CXCL2: variants seen among roughly 807,000 people sequenced by gnomAD.
CXCL2 encodes the protein C-X-C motif chemokine 2.
In CXCL2, 12 loss-of-function variants were observed where a neutral mutation model predicts 11.2. The observed-to-expected ratio is 1.08, with a 90% CI of 0.69 to 1.74. The LOEUF (loss-of-function observed/expected upper bound fraction) is 1.74, where lower values mean the gene tolerates loss of function less well. CXCL2 is among the 40% of genes most tolerant of loss of function. The probability of loss-of-function intolerance (pLI) is 0.00; values close to 1 mark genes in which losing one functional copy is unlikely to be tolerated. For synonymous variants in CXCL2, 68 were observed against 61.9 expected (o/e 1.10, Z -0.47); for missense variants, 120 against 137.8 (o/e 0.87, Z 0.65).
In CXCL2 at chr4:74,098,678, T is replaced by C. The variant is rs1375886357; in HGVS notation, c.231A>G (p.Thr77=). 6.2e-7 allele frequency: 1 copy of C among 1,614,056 alleles called. No individual in the cohort carries two copies. The highest frequency in any genetic ancestry group is 8.5e-7 in the Non-Finnish European group (1 of 1,179,992). The change falls in exon 3 of 4, where the codon ACA becomes ACG. Residue 77 remains threonine (T), a synonymous_variant. Transcript: ENST00000508487. ...PHCAQTEVIA[T]LKNGQKACLN... ...GACAAGCTTTCTGCCCATTCTTGAG[T>C]GTGGCTCTGCAGAGAGAAGGGAATC...
chr4:74,098,485 A>C, intron 3 of CXCL2, 116 bp downstream of exon 3: 1 of 1,075,922 alleles, frequency 9.3e-7, no homozygotes, highest in Non-Finnish European at 1.3e-6. Context: ...GAAAATAATA[A>C]TTTTTTCAGT....
At chr4:74,098,543 C>G in intron 3 of CXCL2, 58 bp downstream of exon 3, 12 of 1,555,000 alleles carry the variant, frequency 7.7e-6, no homozygotes, top group Non-Finnish European at 1.1e-5. Flanking sequence ...AGGGGGCAGA[C>G]GCCAGTATTT....
Position 74,098,782 on chromosome 4 carries a change from C to A in CXCL2, c.224+17G>T. On this transcript the variant is annotated intron_variant, in intron 2 of 3. Coordinates refer to ENST00000508487, the MANE Select transcript of CXCL2 (RefSeq NM_002089.4). ...GGGACCCCAGCAGTGGCAGCGGCAGCGATGGGCGAGACTTACATGACTTCG... is the reference window on the plus strand; with the variant it reads ...GGGACCCCAGCAGTGGCAGCGGCAGAGATGGGCGAGACTTACATGACTTCG... 1 of 1,613,566 alleles carries A rather than the reference C, an allele frequency of 6.2e-7. No individual in the cohort carries two copies. The highest frequency in any genetic ancestry group is 8.5e-7 in the Non-Finnish European group (1 of 1,179,600).
chr4:74,098,711 A>C, intron 2 of CXCL2, 27 bp from the exon 3 acceptor site: 1 of 1,614,028 alleles, frequency 6.2e-7, no homozygotes, highest in Non-Finnish European at 8.5e-7. Context: ...ATCTCGTGAG[A>C]CAGGAGGTCG....
At chr4:74,098,961 G>A (rs1215183568) in intron 1 of CXCL2, 39 bp from the exon 2 acceptor site, 2 of 1,596,312 alleles carry the variant, frequency 1.3e-6, no homozygotes, top group East Asian at 2.4e-5. Flanking sequence ...CGGGGCTGTC[G>A]GCGCGGGGCG....
rs1237259502 is a variant in CXCL2 at position 74,099,139 on chromosome 4, C to G, written c.-19G>C. Reference sequence around the variant, plus strand: ...GGGCCATGGGGCTCAGCAGGCGGTTCGAGCGGCTGTGCGAGGAGGAGAGCT... The same window carrying G: ...GGGCCATGGGGCTCAGCAGGCGGTTGGAGCGGCTGTGCGAGGAGGAGAGCT... On this transcript the variant is annotated 5_prime_UTR_variant, in exon 1 of 4. Coordinates refer to ENST00000508487, the MANE Select transcript of CXCL2 (RefSeq NM_002089.4). The G allele has an allele frequency of 5.4e-6, 8 of 1,478,284 alleles. No individual in the cohort carries two copies. The highest frequency in any genetic ancestry group is 1.5e-5 in the African/African-American group (1 of 68,208). The allele number at this position is 1,478,284 out of a possible 1,614,324, so 91.6% of individuals were successfully genotyped here. A position where few individuals can be genotyped will look rare whatever the true frequency, so the allele number is the denominator to read the frequency against.
In CXCL2 at chr4:74,099,010, C is replaced by A. The variant is rs757336342; in HGVS notation, c.100+11G>T. On this transcript the variant is annotated intron_variant, in intron 1 of 3. Coordinates refer to ENST00000508487, the MANE Select transcript of CXCL2 (RefSeq NM_002089.4). ...CGTCCGGCCCGGGGACCCCAGGGCG[C>A]CGGGACCCACCTGCTGCGCGCCGGC... The A allele has an allele frequency of 5.2e-6, 8 of 1,528,382 alleles. No homozygotes were observed. The African/African-American group carries it at 5.8e-5, about 11-fold the overall frequency. The allele number at this position is 1,528,382 out of a possible 1,614,324, so 94.7% of individuals were successfully genotyped here. A position where few individuals can be genotyped will look rare whatever the true frequency, so the allele number is the denominator to read the frequency against.
rs1003361647 is a variant in CXCL2, at chr4:74,098,680, T to C, written c.229A>G (p.Thr77Ala). 6.2e-7 allele frequency: 1 copy of C among 1,614,150 alleles called. No individual in the cohort carries two copies. The highest frequency in any genetic ancestry group is 8.5e-7 in the Non-Finnish European group (1 of 1,180,008). The change falls in exon 3 of 4, where the codon ACA (threonine) becomes GCA (alanine). Residue 77 changes from threonine (T) to alanine (A), a missense_variant. Physicochemically the swap from Thr to Ala is moderately conservative, Grantham distance 58. Coordinates refer to ENST00000508487, the MANE Select transcript of CXCL2 (RefSeq NM_002089.4). ...PHCAQTEVIA[T>A]LKNGQKACLN... ...CAAGCTTTCTGCCCATTCTTGAGTG[T>C]GGCTCTGCAGAGAGAAGGGAATCTC...
rs986423143 is a variant in CXCL2 at position 74,097,828 on chromosome 4, A to T, written c.309-57T>A. ...TGCTCAGGAAAGCTGACTGCACAACAGTCTTCTCCTGTCCTGTTTCCCCAG... is the reference window on the plus strand; with the variant it reads ...TGCTCAGGAAAGCTGACTGCACAACTGTCTTCTCCTGTCCTGTTTCCCCAG... On this transcript the variant is annotated intron_variant, in intron 3 of 3. Transcript: ENST00000508487. 2.0e-6 allele frequency: 3 copies of T among 1,527,090 alleles called. No individual in the cohort carries two copies. The East Asian group carries it at 7.0e-5, about 35-fold the overall frequency. 94.6% of individuals were successfully genotyped at this position (1,527,090 alleles called of 1,614,324 possible). A position where few individuals can be genotyped will look rare whatever the true frequency, so the allele number is the denominator to read the frequency against.
At chr4:74,098,983 C>T (rs1477865849) in intron 1 of CXCL2, 38 bp downstream of exon 1, 5 of 1,570,644 alleles carry the variant, frequency 3.2e-6, no homozygotes, top group Non-Finnish European at 4.3e-6. Context: ...CCACCCCAGC[C>T]GCGTCCGGCC....
At chr4:74,098,437 G>T in intron 3 of CXCL2, 164 bp downstream of exon 3, 3 of 723,004 alleles carry the variant, frequency 4.1e-6, no homozygotes, top group Admixed American at 3.0e-5. Flanking sequence ...ATATCCTCTG[G>T]CACCAGAACA....
At position 74,098,218 on chromosome 4, in the gene CXCL2, C is replaced by G. The variant is rs1721322735; in HGVS notation, c.308+383G>C. ...ATATTATTGTGAAATCTCTGCACTT[C>G]AACCCTAAACTTTTACAAAAAACCA... is the stretch of plus-strand genomic sequence containing the variant. On this transcript the variant is annotated intron_variant, in intron 3 of 3. Transcript: ENST00000508487. Among the ~76,000 whole-genome samples the G allele has an allele frequency of 2.6e-5, 4 of 152,318 alleles. No individual in the cohort carries two copies. The South Asian group carries it at 8.3e-4, about 32-fold the overall frequency.
In CXCL2 at chr4:74,098,600, CT is replaced by C. The variant is rs745343380; in HGVS notation, c.308del (p.Asn103MetfsTer50). The C allele has an allele frequency of 1.4e-5, 23 of 1,613,972 alleles. No homozygotes were observed. In the East Asian group the frequency reaches 4.2e-4, roughly 30 times the overall value. ...CTGTGTACATGGAAATTATAACTTA[CT>C]TTTTCAGCATCTTTTCGATGATTTT... ...VKKIIEKMLK[N>X]GKSN On this transcript the variant is annotated frameshift_variant and splice_region_variant, in exon 3 of 4. Transcript: ENST00000508487. LOFTEE classifies it high-confidence loss of function.
rs1721309861 is a variant in CXCL2, at chr4:74,097,693, G to T, written c.*63C>A. Reference sequence around the variant, plus strand: ...CAGCTGTGTCTCTCTTTCCTCTTCTGTTCCTGTAAGGGCAGGGCCTCCTTC... The same window carrying T: ...CAGCTGTGTCTCTCTTTCCTCTTCTTTTCCTGTAAGGGCAGGGCCTCCTTC... On this transcript the variant is annotated 3_prime_UTR_variant, in exon 4 of 4. Transcript: ENST00000508487. The T allele has an allele frequency of 2.0e-6, 3 of 1,530,474 alleles. No homozygotes were observed. The highest frequency in any genetic ancestry group is 1.3e-5 in the South Asian group (1 of 76,052). 94.8% of individuals were successfully genotyped at this position (1,530,474 alleles called of 1,614,324 possible). A position where few individuals can be genotyped will look rare whatever the true frequency, so the allele number is the denominator to read the frequency against.
In CXCL2 at chr4:74,097,714, C is replaced by T; in HGVS notation, c.*42G>A. 1 of 1,585,158 alleles carries T rather than the reference C, an allele frequency of 6.3e-7. No individual in the cohort carries two copies. The stretch of plus-strand genomic sequence containing the variant: ...TTCTGTTCCTGTAAGGGCAGGGCCT[C>T]CTTCAGGAACAGCCACCAATAAGCT... On this transcript the variant is annotated 3_prime_UTR_variant, in exon 4 of 4. Coordinates refer to ENST00000508487, the MANE Select transcript of CXCL2 (RefSeq NM_002089.4).
At position 74,097,682 on chromosome 4, in the gene CXCL2, T is replaced by C; in HGVS notation, c.*74A>G. 3 of 1,473,260 alleles carry C rather than the reference T, an allele frequency of 2.0e-6. No homozygotes were observed. Among genetic ancestry groups the C allele is most frequent in the Non-Finnish European group, 2.7e-6 (3 of 1,104,846 alleles). The allele number at this position is 1,473,260 out of a possible 1,614,324, so 91.3% of individuals were successfully genotyped here. ...GGTGGCCTCTGCAGCTGTGTCTCTC[T>C]TTCCTCTTCTGTTCCTGTAAGGGCA... On this transcript the variant is annotated 3_prime_UTR_variant, in exon 4 of 4. Coordinates refer to ENST00000508487, the MANE Select transcript of CXCL2 (RefSeq NM_002089.4).
rs1174309581 is a variant in CXCL2, at chr4:74,098,618, G to T, written c.291C>A (p.Ile97=). The T allele has an allele frequency of 1.1e-5, 18 of 1,613,916 alleles. No homozygotes were observed. Among genetic ancestry groups the T allele is most frequent in the African/African-American group, 1.3e-5 (1 of 74,912 alleles). Reference sequence around the variant, plus strand: ...TAACTTACTTTTTCAGCATCTTTTCGATGATTTTCTTAACCATGGGCGATG... The same window carrying T: ...TAACTTACTTTTTCAGCATCTTTTCTATGATTTTCTTAACCATGGGCGATG... The part of the protein sequence containing the change: ...NPASPMVKKI[I]EKMLKNGKSN The change falls in exon 3 of 4, where the codon ATC becomes ATA. Residue 97 remains isoleucine, a synonymous_variant. Transcript: ENST00000508487.
intron 3 of CXCL2, among the ~76,000 whole-genome samples, chr4:74,098,038 C>G (rs1240957120): frequency 1.3e-5 from 2 of 152,310 alleles, no homozygotes; most frequent in East Asian, 3.9e-4. Flanking sequence ...GCCTATTGCT[C>G]TTTGTCATAC....
In CXCL2 at chr4:74,099,106, C is replaced by A. The variant is rs1336438923; in HGVS notation, c.15G>T (p.Thr5=). 4 of 1,495,798 alleles carry A rather than the reference C, an allele frequency of 2.7e-6. No homozygotes were observed. The highest frequency in any genetic ancestry group is 3.6e-6 in the Non-Finnish European group (4 of 1,124,558). The allele number at this position is 1,495,798 out of a possible 1,614,324, so 92.7% of individuals were successfully genotyped here. A position where few individuals can be genotyped will look rare whatever the true frequency, so the allele number is the denominator to read the frequency against. The change falls in exon 1 of 4, where the codon ACG becomes ACT. Residue 5 remains threonine, a synonymous_variant. Coordinates refer to ENST00000508487, the MANE Select transcript of CXCL2 (RefSeq NM_002089.4). Reference sequence around the variant, plus strand: ...GGGGATTGCTGGGGGCGGCGGAGAGCGTGGCGCGGGCCATGGGGCTCAGCA... The same window carrying A: ...GGGGATTGCTGGGGGCGGCGGAGAGAGTGGCGCGGGCCATGGGGCTCAGCA... MARA[T]LSAAPSNPRL...
Sources: allele counts gnomAD v4.1 joint callset (sites outside exome capture counted in the v4.1 genomes callset), GRCh38; gene constraint gnomAD v4.1.1; transcripts MANE v1.5; gene names NCBI Gene and HGNC (gene_info 2026-07-23, HGNC 2026-07-21).